Variants in PGM3 observed in about 807,000 individuals in gnomAD.
PGM3 encodes the protein phosphoglucomutase 3.
PGM3 carries 40 observed loss-of-function variants against 66.2 expected under a neutral mutation model. That is an observed-to-expected ratio of 0.60 (90% CI 0.47 to 0.79). The LOEUF (loss-of-function observed/expected upper bound fraction) is 0.79, where lower values mean the gene tolerates loss of function less well. Among genes scored for constraint, PGM3 ranks in the 30% least tolerant of loss-of-function variants. PGM3 has a pLI of 0.00. For missense variants in PGM3, 537 were observed against 643.4 expected (o/e 0.83, Z 1.79); for synonymous variants, 191 against 224.2 (o/e 0.85, Z 1.32).
rs1474612490 is a variant in PGM3 at position 83,167,813 on chromosome 6, A to G, written c.*1421T>C. ...TATATATTTTTAATTTTTCTAACAT[A>G]CCACATTGTCTGTTGTATTAATACC... On this transcript the variant is annotated 3_prime_UTR_variant, in exon 13 of 13. Transcript: ENST00000513973. The G allele has an allele frequency of 6.5e-7, 1 of 1,533,610 alleles. No homozygotes were observed. The highest frequency in any genetic ancestry group is 2.3e-5 in the East Asian group (1 of 43,830).
At chr6:83,154,124 T>C in the PGM3 span, 2 of 1,612,024 alleles carry the variant, frequency 1.2e-6, no homozygotes, top group African/African-American at 1.3e-5. Flanking sequence ...AAAGTTAGAA[T>C]ACTGTTCTTT....
rs183040710 is a variant in PGM3 at position 83,191,296 on chromosome 6, G to A, written c.-2-282C>T. The A allele has an allele frequency of 4.2e-5, 61 of 1,453,574 alleles. 1 individual carries two copies. In the East Asian group the frequency reaches 6.9e-4, roughly 16 times the overall value. The allele number at this position is 1,453,574 out of a possible 1,614,324, so 90.0% of individuals were successfully genotyped here. ...TAGCTCCAGGACTATCCTGGACGCC[G>A]GGCACACTTAAATTGGTCCACTCTC... is the stretch of plus-strand genomic sequence containing the variant. On this transcript the variant is annotated intron_variant, in intron 1 of 12. Transcript: ENST00000513973.
intron 6 of PGM3, 66 bp downstream of exon 6, chr6:83,181,670 G>T: frequency 9.0e-7 from 1 of 1,115,188 alleles, no homozygotes; most frequent in Non-Finnish European, 1.3e-6. Context: ...TACCACCTTA[G>T]TTTATAAGTG....
At chr6:83,176,105 C>T in intron 8 of PGM3, 45 bp from the exon 9 acceptor site, 2 of 1,082,478 alleles carry the variant, frequency 1.8e-6, no homozygotes, top group South Asian at 1.3e-5. Flanking sequence ...ACTCAGATGT[C>T]AAATGTTTCT....
chr6:83,157,453 C>A, downstream of PGM3: 1 of 940,094 alleles, frequency 1.1e-6, no homozygotes, highest in Non-Finnish European at 1.6e-6. Flanking sequence ...ATGCTTTTTA[C>A]AGTTGAAAAT....
At position 83,183,872 on chromosome 6, in the gene PGM3, C is replaced by T. The variant is rs113151009; in HGVS notation, c.458-894G>A. Among the ~76,000 whole-genome samples, 343 of 152,148 alleles carry T rather than the reference C, an allele frequency of 2.3e-3. 2 individuals are homozygous for T. Among genetic ancestry groups the T allele is most frequent in the African/African-American group, 7.4e-3 (308 of 41,492 alleles). On this transcript the variant is annotated intron_variant, in intron 4 of 12. Coordinates refer to ENST00000513973, the MANE Select transcript of PGM3 (RefSeq NM_015599.3). ...CTGAGATTACAGGCACCCACCACCA[C>T]GCCCGGCTAATTTTTGTATTTTTAG...
chr6:83,191,997 T>G (rs1789133944), intron 1 of PGM3, among the ~76,000 whole-genome samples: 6 of 122,366 alleles, frequency 4.9e-5, no homozygotes, highest in African/African-American at 6.3e-5. Flanking sequence ...CCAGGTGAGG[T>G]GGCTCAGGCC....
chr6:83,169,114 CA>C lies in PGM3; in HGVS notation c.*119del. The C allele has an allele frequency of 6.7e-7, 1 of 1,491,300 alleles. No homozygotes were observed. Among genetic ancestry groups the C allele is most frequent in the Non-Finnish European group, 8.9e-7 (1 of 1,122,202 alleles). 92.4% of individuals were successfully genotyped at this position (1,491,300 alleles called of 1,614,324 possible). A position where few individuals can be genotyped will look rare whatever the true frequency, so the allele number is the denominator to read the frequency against. On this transcript the variant is annotated 3_prime_UTR_variant, in exon 13 of 13. Coordinates refer to ENST00000513973, the MANE Select transcript of PGM3 (RefSeq NM_015599.3). ...TGTTTAAGAAAAACAGATCTAGAGA[CA>C]ATCCAGTAGGCTGCATTGTAAACAT...
Position 83,169,229 on chromosome 6 carries a change from T to TA in PGM3, c.*4dup. 6.2e-7 allele frequency: 1 copy of TA among 1,614,024 alleles called. No homozygotes were observed. Among genetic ancestry groups the TA allele is most frequent in the Admixed American group, 1.7e-5 (1 of 60,016 alleles). ...TCCAGTTTCTCAGGAATATGAAAAT[T>TA]ATCTTCAGAAACCTGGTTGGGGCCT... On this transcript the variant is annotated 3_prime_UTR_variant, in exon 13 of 13. Transcript: ENST00000513973.
intron 9 of PGM3, among the ~76,000 whole-genome samples, 172 bp from the exon 10 acceptor site, chr6:83,174,659 A>G (rs1305973529): frequency 6.6e-6 from 1 of 152,222 alleles, no homozygotes; most frequent in African/African-American, 2.4e-5. Context: ...ATTAAAACCC[A>G]GAGGATAGTA....
the PGM3 span, chr6:83,153,561 G>A: frequency 6.2e-7 from 1 of 1,609,830 alleles, no homozygotes; most frequent in African/African-American, 1.3e-5. Context: ...AAAAGGAGCG[G>A]GTTATTCCTT....
Position 83,167,658 on chromosome 6 carries a change from A to C in PGM3, c.*1576T>G. 7.5e-7 allele frequency: 1 copy of C among 1,340,178 alleles called. No individual in the cohort carries two copies. Among genetic ancestry groups the C allele is most frequent in the East Asian group, 2.8e-5 (1 of 35,718 alleles). The allele number at this position is 1,340,178 out of a possible 1,614,324, so 83.0% of individuals were successfully genotyped here. On this transcript the variant is annotated 3_prime_UTR_variant, in exon 13 of 13. Transcript: ENST00000513973. ...ATTCTAGTTGGGAACTATTACTACA[A>C]TGTTAGACTGCTCCATGTAAAACTA... is the stretch of plus-strand genomic sequence containing the variant.
At chr6:83,161,450 G>A (rs1784215867), downstream of PGM3, among the ~76,000 whole-genome samples, 1 of 152,024 alleles carries the variant, frequency 6.6e-6, no homozygotes, top group African/African-American at 2.4e-5. Context: ...TAACTAAAAG[G>A]TACTATAAAG....
the PGM3 span, chr6:83,151,801 T>A: frequency 9.6e-6 from 14 of 1,462,124 alleles, no homozygotes; most frequent in Non-Finnish European, 1.3e-5. Context: ...AAAATATCTA[T>A]TATCAGAAAT....
At chr6:83,152,907 C>T in the PGM3 span, among the ~76,000 whole-genome samples, 4 of 152,236 alleles carry the variant, frequency 2.6e-5, no homozygotes, top group East Asian at 1.9e-4. Context: ...CATGAGCCAC[C>T]GCGCCCGGCC....
rs1785108380 is a variant in PGM3 at position 83,164,976 on chromosome 6, G to A, written c.*4258C>T. ...TCAAGTGTATTCTTCTTGGTCAAGA[G>A]CTTAATAAAAGTCCCTCTCTTAAAG... is the stretch of plus-strand genomic sequence containing the variant. On this transcript the variant is annotated 3_prime_UTR_variant, in exon 13 of 13. Coordinates refer to ENST00000513973, the MANE Select transcript of PGM3 (RefSeq NM_015599.3). 1 of 380,614 alleles carries A rather than the reference G, an allele frequency of 2.6e-6. No individual in the cohort carries two copies. Among genetic ancestry groups the A allele is most frequent in the Non-Finnish European group, 4.7e-6 (1 of 213,778 alleles). 23.6% of individuals were successfully genotyped at this position (380,614 alleles called of 1,614,324 possible).
chr6:83,193,298 C>T (rs1263820646), upstream of PGM3: 1 of 152,310 alleles, frequency 6.6e-6, no homozygotes, highest in Non-Finnish European at 1.5e-5. Context: ...CGGCTCGTCG[C>T]CACGCCCCCT....
At chr6:83,190,441 G>A (rs1788959060) in intron 2 of PGM3, 1 of 198,668 alleles carries the variant, frequency 5.0e-6, no homozygotes, top group South Asian at 1.2e-4. Flanking sequence ...TGTTCAAAAT[G>A]TTTCTTTTCA....
downstream of PGM3, among the ~76,000 whole-genome samples, chr6:83,162,221 T>C (rs1784398702): frequency 6.6e-6 from 1 of 151,894 alleles, no homozygotes; most frequent in South Asian, 2.1e-4. Context: ...CCATTTATAC[T>C]GTTTGAATTT....
Sources: gnomAD v4.1 joint callset for allele counts (sites outside exome capture counted in the v4.1 genomes callset) on GRCh38, gnomAD v4.1.1 for gene constraint, MANE v1.5 for transcripts, NCBI Gene and HGNC (gene_info 2026-07-23, HGNC 2026-07-21) for gene names.